The following LRRIQ3 variants were observed in gnomAD, a reference collection of about 807,000 sequenced individuals.
LRRIQ3 encodes leucine-rich repeat and IQ domain-containing protein 3.
Under a neutral mutation model 59.3 loss-of-function variants are expected in LRRIQ3, and 75 were observed. The ratio of observed to expected loss-of-function variants is 1.26; its 90% CI spans 1.05 to 1.53. The LOEUF (loss-of-function observed/expected upper bound fraction) is 1.53. Ranked by LOEUF, LRRIQ3 falls within the 40% of genes most tolerant of loss-of-function variation. The pLI, the probability that LRRIQ3 is intolerant of heterozygous loss-of-function variation, is 0.00. For synonymous variants in LRRIQ3, 250 were observed against 231.3 expected (o/e 1.08, Z -0.73); for missense variants, 831 against 710.0 (o/e 1.17, Z -1.94).
At chr1:74,077,899 G>A (rs1646227972) in intron 5 of LRRIQ3, among the ~76,000 whole-genome samples, 1 of 151,902 alleles carries the variant, frequency 6.6e-6, no homozygotes, top group African/African-American at 2.4e-5. Flanking sequence ...AGAAGACTGG[G>A]AATGATCTAA....
intron 4 of LRRIQ3, among the ~76,000 whole-genome samples, chr1:74,139,910 G>A (rs1647200339): frequency 6.6e-6 from 1 of 151,858 alleles, no homozygotes; most frequent in Non-Finnish European, 1.5e-5. Flanking sequence ...TAGGATTACT[G>A]ATTCTTCAAA....
At chr1:74,073,639 T>G (rs566534230) in intron 6 of LRRIQ3, among the ~76,000 whole-genome samples, 18 of 151,160 alleles carry the variant, frequency 1.2e-4, no homozygotes, top group Non-Finnish European at 2.2e-4. Flanking sequence ...TTTTATTAAA[T>G]TAGTACATGT....
intron 4 of LRRIQ3, among the ~76,000 whole-genome samples, chr1:74,116,605 A>C (rs1646779956): frequency 1.3e-5 from 2 of 152,122 alleles, no homozygotes; most frequent in Admixed American, 6.6e-5. Flanking sequence ...AGTTTTCCTC[A>C]AAGTTTGTTG....
intron 5 of LRRIQ3, chr1:74,081,862 G>C (rs1187118783): frequency 6.6e-6 from 1 of 151,210 alleles, no homozygotes; most frequent in African/African-American, 2.4e-5. Context: ...ATTGTTTATA[G>C]CCTTCAAAGC....
chr1:74,168,977 T>C (rs984882750), intron 3 of LRRIQ3, among the ~76,000 whole-genome samples: 1 of 152,170 alleles, frequency 6.6e-6, no homozygotes, highest in Non-Finnish European at 1.5e-5. Context: ...AAGTTTACAA[T>C]ACATTATTGC....
At chr1:74,153,734 G>T (rs1648128424) in intron 4 of LRRIQ3, among the ~76,000 whole-genome samples, 1 of 152,126 alleles carries the variant, frequency 6.6e-6, no homozygotes, top group Admixed American at 6.5e-5. Flanking sequence ...GATAATAAAA[G>T]TATGTGAAAC....
At chr1:74,144,555 A>AG (rs1211533118) in intron 4 of LRRIQ3, 1 of 290,680 alleles carries the variant, frequency 3.4e-6, no homozygotes, top group Non-Finnish European at 7.1e-6. Context: ...TCTGTAAAAA[A>AG]AAAAAAAAAA....
At chr1:74,128,344 A>G (rs570599291) in intron 4 of LRRIQ3, among the ~76,000 whole-genome samples, 1 of 152,136 alleles carries the variant, frequency 6.6e-6, no homozygotes, top group South Asian at 2.1e-4. Flanking sequence ...AAAGCTCACT[A>G]ATTCTTACTT....
rs758234064 is a variant in LRRIQ3, at chr1:74,063,148, C to CA, written c.997+11512dup. Among the ~76,000 whole-genome samples, 407 of 150,326 alleles carry CA rather than the reference C, an allele frequency of 2.7e-3. 5 individuals are homozygous for CA. Among genetic ancestry groups the CA allele is most frequent in the African/African-American group, 9.2e-3 (380 of 41,148 alleles). ...ACAACAACAACAACAACAACAACAA[C>CA]AACAAAACGAGGAAGGGTGTTTCCT... On this transcript the variant is annotated intron_variant, in intron 6 of 7. Coordinates refer to ENST00000354431, the MANE Select transcript of LRRIQ3 (RefSeq NM_001105659.2).
At chr1:74,102,350 A>G (rs1312882372) in intron 5 of LRRIQ3, among the ~76,000 whole-genome samples, 1 of 151,948 alleles carries the variant, frequency 6.6e-6, no homozygotes, top group African/African-American at 2.4e-5. Context: ...AGACACAGAA[A>G]TGCCTCAAAA....
intron 5 of LRRIQ3, among the ~76,000 whole-genome samples, chr1:74,080,182 AC>A (rs1646258199): frequency 6.6e-6 from 1 of 151,758 alleles, no homozygotes; most frequent in Non-Finnish European, 1.5e-5. Context: ...AAAAACCAAA[AC>A]AGCAATTAAA....
In LRRIQ3 at chr1:74,026,801, T is replaced by A. The variant is rs550228792; in HGVS notation, c.*12A>T. ...AATTTAAGATGATCATAGGATGTGA[T>A]CTGGCATTGATTCATTTTATCAGTC... On this transcript the variant is annotated 3_prime_UTR_variant, in exon 8 of 8. Coordinates refer to ENST00000354431, the MANE Select transcript of LRRIQ3 (RefSeq NM_001105659.2). 15 of 1,587,744 alleles carry A rather than the reference T, an allele frequency of 9.4e-6. No homozygotes were observed. The highest frequency in any genetic ancestry group is 1.3e-5 in the Non-Finnish European group (15 of 1,168,466).
At position 74,133,981 on chromosome 1, in the gene LRRIQ3, T is replaced by A. The variant is rs1647074781; in HGVS notation, c.707+21752A>T. ...CTCAATGCTTTTTTTAACTTTATAT[T>A]TGAATTTTTATTTGATTCAAGTATT... On this transcript the variant is annotated intron_variant, in intron 4 of 7. Coordinates refer to ENST00000354431, the MANE Select transcript of LRRIQ3 (RefSeq NM_001105659.2). Among the ~76,000 whole-genome samples, 4 of 152,052 alleles carry A rather than the reference T, an allele frequency of 2.6e-5. No individual in the cohort carries two copies. In the South Asian group the frequency reaches 8.3e-4, roughly 31 times the overall value.
intron 3 of LRRIQ3, among the ~76,000 whole-genome samples, chr1:74,159,359 C>G (rs905183475): frequency 2.6e-5 from 4 of 152,146 alleles, no homozygotes; most frequent in African/African-American, 9.7e-5. Context: ...TCCTACATAT[C>G]TGGACTAACT....
chr1:74,037,926 T>G (rs1653921370), intron 7 of LRRIQ3, among the ~76,000 whole-genome samples: 2 of 152,250 alleles, frequency 1.3e-5, no homozygotes, highest in East Asian at 3.9e-4. Context: ...GCCACTCAAC[T>G]AGAATCTGCT....
chr1:74,063,679 AT>A (rs1484959867), intron 6 of LRRIQ3, among the ~76,000 whole-genome samples: 6 of 151,672 alleles, frequency 4.0e-5, no homozygotes, highest in Non-Finnish European at 7.4e-5. Flanking sequence ...TTTCATTTTA[AT>A]TTTTTTGACT....
chr1:74,040,699 A>T (rs1256621988), intron 7 of LRRIQ3, among the ~76,000 whole-genome samples: 1 of 152,238 alleles, frequency 6.6e-6, no homozygotes, highest in Non-Finnish European at 1.5e-5. Flanking sequence ...CTCCTGAGTA[A>T]CTAATGAAAT....
intron 7 of LRRIQ3, among the ~76,000 whole-genome samples, chr1:74,033,431 T>TGTGG (rs754499663): frequency 1.3e-5 from 2 of 151,892 alleles, no homozygotes; most frequent in Non-Finnish European, 2.9e-5. Context: ...CACCATATAT[T>TGTGG]TGGAGGATAT....
At chr1:74,171,623 C>G (rs1443798116) in intron 3 of LRRIQ3, among the ~76,000 whole-genome samples, 2 of 152,060 alleles carry the variant, frequency 1.3e-5, no homozygotes, top group Non-Finnish European at 2.9e-5. Flanking sequence ...TTGTTTTTGC[C>G]TGGCTTTGGT....
Sources: gnomAD v4.1 joint callset for allele counts (sites outside exome capture counted in the v4.1 genomes callset) on GRCh38, gnomAD v4.1.1 for gene constraint, MANE v1.5 for transcripts, NCBI Gene and HGNC (gene_info 2026-07-23, HGNC 2026-07-21) for gene names.